PTPRD: variants seen among roughly 807,000 people sequenced by gnomAD.
PTPRD encodes the protein receptor-type tyrosine-protein phosphatase delta.
In PTPRD, 34 loss-of-function variants were observed where a neutral mutation model predicts 214.5. That is an observed-to-expected ratio of 0.16 (90% CI 0.12 to 0.21). The LOEUF (loss-of-function observed/expected upper bound fraction) is 0.21. Ranked by LOEUF, PTPRD falls within the 10% of genes least tolerant of loss-of-function variation. The probability of loss-of-function intolerance (pLI) is 1.00; values close to 1 mark genes in which losing one functional copy is unlikely to be tolerated. For synonymous variants in PTPRD, 1,128 were observed against 845.7 expected (o/e 1.33, Z -5.79); for missense variants, 2,545 against 2,398.7 (o/e 1.06, Z -1.27).
At chr9:10,367,079 T>TA (rs145427017) in intron 2 of PTPRD, among the ~76,000 whole-genome samples, 3,524 of 133,196 alleles carry the variant, frequency 0.026, 107 homozygotes, top group African/African-American at 0.078. Context: ...CAGACAAACA[T>TA]AAAAAAAAAA....
chr9:8,531,439 C>G (rs1372827964), intron 14 of PTPRD, among the ~76,000 whole-genome samples: 2 of 152,072 alleles, frequency 1.3e-5, no homozygotes, highest in African/African-American at 2.4e-5. Context: ...TATTAAATAT[C>G]TCACTTGGCA....
chr9:10,072,135 A>G (rs925942200), intron 3 of PTPRD, among the ~76,000 whole-genome samples: 2 of 152,066 alleles, frequency 1.3e-5, no homozygotes, highest in Admixed American at 6.6e-5. Context: ...GAAATATACA[A>G]TAATTCTTAA....
chr9:10,082,568 A>C (rs1229218754), intron 3 of PTPRD, among the ~76,000 whole-genome samples: 1 of 152,016 alleles, frequency 6.6e-6, no homozygotes, highest in African/African-American at 2.4e-5. Context: ...AAAGGCAGAG[A>C]GGTGAAGTTA....
At chr9:9,187,745 A>C (rs774097668) in intron 9 of PTPRD, among the ~76,000 whole-genome samples, 46 of 151,942 alleles carry the variant, frequency 3.0e-4, no homozygotes, top group Non-Finnish European at 5.4e-4. Flanking sequence ...AAAATGGCAA[A>C]TAAATTGTAC....
chr9:9,397,032 C>A (rs1364697051), intron 9 of PTPRD, among the ~76,000 whole-genome samples: 2 of 151,944 alleles, frequency 1.3e-5, no homozygotes, highest in Admixed American at 6.6e-5. Context: ...AATGTAAATT[C>A]TTTTTTCTTC....
intron 3 of PTPRD, among the ~76,000 whole-genome samples, chr9:10,123,028 T>A (rs1333243960): frequency 6.6e-6 from 1 of 152,216 alleles, no homozygotes; most frequent in East Asian, 1.9e-4. Context: ...GTCTGCATGT[T>A]CCCTGAATCC....
intron 3 of PTPRD, among the ~76,000 whole-genome samples, chr9:10,151,598 G>C (rs926312983): frequency 1.3e-5 from 2 of 151,942 alleles, no homozygotes; most frequent in African/African-American, 4.8e-5. Flanking sequence ...AAAAATTAAA[G>C]TTTAACTTAC....
intron 7 of PTPRD, among the ~76,000 whole-genome samples, chr9:9,703,242 A>G (rs377075319): frequency 6.6e-6 from 1 of 152,192 alleles, no homozygotes; most frequent in African/African-American, 2.4e-5. Flanking sequence ...CATGATTTTA[A>G]GTTTCCAGAG....
At chr9:10,177,567 T>A (rs1213977226) in intron 3 of PTPRD, among the ~76,000 whole-genome samples, 2 of 151,570 alleles carry the variant, frequency 1.3e-5, no homozygotes, top group East Asian at 1.9e-4. Flanking sequence ...GAAAAACAGA[T>A]GAATTAGGAG....
chr9:8,420,230 C>T (rs1056802789), intron 35 of PTPRD, among the ~76,000 whole-genome samples: 1 of 152,060 alleles, frequency 6.6e-6, no homozygotes, highest in African/African-American at 2.4e-5. Context: ...TATTTTTGTA[C>T]TGCAGAGTCT....
chr9:9,089,414 T>C (rs1010862441), intron 10 of PTPRD, among the ~76,000 whole-genome samples: 1 of 152,182 alleles, frequency 6.6e-6, no homozygotes, highest in Admixed American at 6.5e-5. Flanking sequence ...CTGGGACAAT[T>C]GCTCCCCAGA....
chr9:9,516,570 G>A (rs668596), intron 8 of PTPRD, among the ~76,000 whole-genome samples: 49,180 of 150,270 alleles, frequency 0.33, 8,498 homozygotes, highest in Non-Finnish European at 0.38. Flanking sequence ...ATGGATTCTT[G>A]CTCTGTTGCC....
At chr9:9,438,040 A>G (rs1275025810) in intron 8 of PTPRD, among the ~76,000 whole-genome samples, 1 of 152,108 alleles carries the variant, frequency 6.6e-6, no homozygotes, top group Non-Finnish European at 1.5e-5. Context: ...GAAGTTGGCT[A>G]TCTTCATGTT....
At chr9:9,760,795 G>A (rs963377943) in intron 6 of PTPRD, among the ~76,000 whole-genome samples, 22 of 152,000 alleles carry the variant, frequency 1.4e-4, no homozygotes, top group Non-Finnish European at 4.4e-5. Flanking sequence ...ATGAAAAGAC[G>A]TTCAACATCA....
chr9:10,612,996 C>G lies in PTPRD; in HGVS notation c.-1016G>C, dbSNP rs1470427462. ...GCTGGCGCTCCCTCCTCGTCTCGCT[C>G]GCACTCACAGGCACACACCCCACGT... On this transcript the variant is annotated 5_prime_UTR_variant, in exon 1 of 46. Transcript: ENST00000381196. 6.6e-6 allele frequency among the ~76,000 whole-genome samples: 1 copy of G among 151,304 alleles called. No homozygotes were observed. Among genetic ancestry groups the G allele is most frequent in the South Asian group, 2.1e-4 (1 of 4,836 alleles).
At chr9:9,096,914 C>T (rs909169680) in intron 10 of PTPRD, among the ~76,000 whole-genome samples, 7 of 152,162 alleles carry the variant, frequency 4.6e-5, no homozygotes, top group African/African-American at 1.7e-4. Flanking sequence ...CACCAAGGAC[C>T]TCCCAAATGC....
intron 14 of PTPRD, among the ~76,000 whole-genome samples, chr9:8,565,672 A>G (rs1396863237): frequency 6.6e-6 from 1 of 152,212 alleles, no homozygotes; most frequent in East Asian, 1.9e-4. Flanking sequence ...AAAAAAGAAA[A>G]AATACAACAA....
chr9:8,571,635 T>G (rs935171858), intron 14 of PTPRD, among the ~76,000 whole-genome samples: 1 of 152,164 alleles, frequency 6.6e-6, no homozygotes, highest in Non-Finnish European at 1.5e-5. Flanking sequence ...ATATTAGAAT[T>G]TATCCTAAAT....
intron 2 of PTPRD, among the ~76,000 whole-genome samples, chr9:10,553,194 C>T (rs1207600753): frequency 6.6e-6 from 1 of 152,110 alleles, no homozygotes; most frequent in Non-Finnish European, 1.5e-5. Context: ...AGTCCCCACC[C>T]AGGCAGAAAG....
Sources: allele counts gnomAD v4.1 joint callset (sites outside exome capture counted in the v4.1 genomes callset), GRCh38; gene constraint gnomAD v4.1.1; transcripts MANE v1.5; gene names NCBI Gene and HGNC (gene_info 2026-07-23, HGNC 2026-07-21).